PCDHGA2: variants seen among roughly 807,000 people sequenced by gnomAD.
PCDHGA2 encodes protocadherin gamma subfamily A, 2.
A neutral mutation model predicts 59.2 loss-of-function variants in PCDHGA2; 40 were observed. The ratio of observed to expected loss-of-function variants is 0.68; its 90% CI spans 0.52 to 0.88. The LOEUF is 0.88. Among genes scored for constraint, PCDHGA2 ranks in the 40% least tolerant of loss-of-function variants. The pLI is 0.00. For missense variants in PCDHGA2, 1,226 were observed against 1,204.0 expected, an observed-to-expected ratio of 1.02 and a Z score of -0.27; for synonymous variants, 560 against 526.0, an observed-to-expected ratio of 1.06 and a Z score of -0.89.
At chr5:141,364,099 G>A in intron 1 of PCDHGA2, 1 of 407,086 alleles carries the variant, frequency 2.5e-6, no homozygotes, top group African/African-American at 2.1e-5. Context: ...ATTTGATGCA[G>A]TCACTGGTTA....
At chr5:141,505,777 TCTG>T (rs77860300) in intron 3 of PCDHGA2, among the ~76,000 whole-genome samples, 6,508 of 152,280 alleles carry the variant, frequency 0.043, 161 homozygotes, top group Middle Eastern at 0.13. Context: ...AGGTCCTAGC[TCTG>T]CTACTATCCT....
chr5:141,392,568 T>A (rs2092555063), intron 1 of PCDHGA2: 4 of 442,486 alleles, frequency 9.0e-6, no homozygotes, highest in Non-Finnish European at 1.2e-5. Context: ...CAGTAACTAT[T>A]TAGGACTGTA....
At chr5:141,502,441 GAT>G (rs2099814262) in intron 2 of PCDHGA2, among the ~76,000 whole-genome samples, 1 of 152,000 alleles carries the variant, frequency 6.6e-6, no homozygotes, top group Non-Finnish European at 1.5e-5. Flanking sequence ...GTTAGATTCA[GAT>G]TACACACCTT....
At chr5:141,374,030 T>C (rs1023437506) in intron 1 of PCDHGA2, 4 of 1,430,336 alleles carry the variant, frequency 2.8e-6, no homozygotes, top group African/African-American at 1.4e-5. Flanking sequence ...GCAAAAGTGA[T>C]GCAGATCTGT....
At chr5:141,361,254 C>CA in intron 1 of PCDHGA2, 1 of 1,613,964 alleles carries the variant, frequency 6.2e-7, no homozygotes, top group Non-Finnish European at 8.5e-7. Context: ...AAACGAGAGA[C>CA]AGAGACTCTG....
rs766227340 is a variant in PCDHGA2, at chr5:141,476,791, C to T, written c.2425-18016C>T. On this transcript the variant is annotated intron_variant, in intron 1 of 3. Transcript: ENST00000394576. The surrounding 1 kb of genome is among the most constrained non-coding windows in gnomAD (Gnocchi z 7.6). ...TGGACGGAGGGACCCCAGCTCTCTCCGCCAGCCTGCCTATTCACATCAAGG... is the reference window on the plus strand; with the variant it reads ...TGGACGGAGGGACCCCAGCTCTCTCTGCCAGCCTGCCTATTCACATCAAGG... 5.6e-6 allele frequency: 9 copies of T among 1,613,394 alleles called. No homozygotes were observed. Among genetic ancestry groups the T allele is most frequent in the Middle Eastern group, 1.6e-4 (1 of 6,084 alleles).
intron 1 of PCDHGA2, among the ~76,000 whole-genome samples, chr5:141,460,912 G>GTATA (rs34683754): frequency 4.0e-5 from 6 of 149,324 alleles, no homozygotes; most frequent in South Asian, 2.1e-4. Context: ...ATTCCATGGT[G>GTATA]TATATATATA....
At position 141,353,509 on chromosome 5, in the gene PCDHGA2, A is replaced by G. The variant is rs537109889; in HGVS notation, c.2424+12114A>G. 3.3e-5 allele frequency among the ~76,000 whole-genome samples: 5 copies of G among 152,308 alleles called. No homozygotes were observed. In the East Asian group the frequency reaches 9.6e-4, roughly 29 times the overall value. ...CACTTTGTCTCATCACAAGTAGCAA[A>G]TATTGTCCAATTTTATATTTGCATC... On this transcript the variant is annotated intron_variant, in intron 1 of 3. Transcript: ENST00000394576.
intron 2 of PCDHGA2, among the ~76,000 whole-genome samples, chr5:141,504,128 G>A (rs914138294): frequency 2.6e-5 from 4 of 151,992 alleles, no homozygotes; most frequent in African/African-American, 9.7e-5. Context: ...GCTGTTTCCC[G>A]CCAACACTCC....
chr5:141,389,463 G>C (rs1201903320), intron 1 of PCDHGA2: 1 of 1,613,192 alleles, frequency 6.2e-7, no homozygotes, highest in African/African-American at 1.3e-5. Context: ...GCGCGCCTTC[G>C]AACTCACACT....
chr5:141,372,514 T>C lies in PCDHGA2; in HGVS notation c.2424+31119T>C. ...ATCTCAGTGCTCTTCCTCCTCGCGG[T>C]GATTCTGGCAATCTCCCTGCGCCTG... On this transcript the variant is annotated intron_variant, in intron 1 of 3. Coordinates refer to ENST00000394576, the MANE Select transcript of PCDHGA2 (RefSeq NM_018915.4). 5 of 1,614,028 alleles carry C rather than the reference T, an allele frequency of 3.1e-6. No individual in the cohort carries two copies. The South Asian group carries it at 4.4e-5, about 14-fold the overall frequency.
intron 1 of PCDHGA2, chr5:141,366,556 C>T (rs1764642074): frequency 3.1e-6 from 5 of 1,614,234 alleles, no homozygotes; most frequent in East Asian, 2.2e-5. Flanking sequence ...ACTTTGTGGG[C>T]GTGGATGGGG....
chr5:141,338,989 G>A lies in PCDHGA2; in HGVS notation c.18G>A (p.Lys6=). 1 of 1,544,254 alleles carries A rather than the reference G, an allele frequency of 6.5e-7. No individual in the cohort carries two copies. Among genetic ancestry groups the A allele is most frequent in the Non-Finnish European group, 8.7e-7 (1 of 1,144,572 alleles). The change falls in exon 1 of 4, where the codon AAG becomes AAA. Residue 6 remains lysine (K), a synonymous_variant. Coordinates refer to ENST00000394576, the MANE Select transcript of PCDHGA2 (RefSeq NM_018915.4). ...GGAGGGAAATGGCGGCTCTGCAAAA[G>A]TTGCCACACTGCAGAAAGCTGGTCC... MAALQ[K]LPHCRKLVLL...
Position 141,491,754 on chromosome 5 carries a change from C to T in PCDHGA2, c.2425-3053C>T. ...CCCCTGGGGGCGGCACTGGAGAAGC[C>T]GCCCGTCCTCATAAGGGATTGAACT... On this transcript the variant is annotated intron_variant, in intron 1 of 3. Transcript: ENST00000394576. The surrounding 1 kb of genome is among the most constrained non-coding windows in gnomAD (Gnocchi z 6.9). 5.7e-6 allele frequency: 9 copies of T among 1,582,682 alleles called. No individual in the cohort carries two copies. The highest frequency in any genetic ancestry group is 7.7e-6 in the Non-Finnish European group (9 of 1,165,614).
chr5:141,350,311 C>G, intron 1 of PCDHGA2: 1 of 1,523,378 alleles, frequency 6.6e-7, no homozygotes, highest in African/African-American at 1.4e-5. Context: ...TACTGTTTCC[C>G]TTCCTGCTGT....
At chr5:141,498,830 G>T (rs2099786149) in intron 2 of PCDHGA2, among the ~76,000 whole-genome samples, 1 of 152,080 alleles carries the variant, frequency 6.6e-6, no homozygotes, top group Non-Finnish European at 1.5e-5. Context: ...CTACTCAGGA[G>T]GCTGAGGCAG....
rs2099746025 is a variant in PCDHGA2 at position 141,493,066 on chromosome 5, T to C, written c.2425-1741T>C. On this transcript the variant is annotated intron_variant, in intron 1 of 3. Coordinates refer to ENST00000394576, the MANE Select transcript of PCDHGA2 (RefSeq NM_018915.4). This position sits in a 1 kb window ranked among gnomAD's most constrained non-coding sequence, Gnocchi z 4.3. ...AACTACAATAGTAAAAAACACAAGT[T>C]TCTCCAACTCCAGGAGCTTTTATTC... Among the ~76,000 whole-genome samples the C allele has an allele frequency of 6.6e-6, 1 of 152,202 alleles. No homozygotes were observed. Among genetic ancestry groups the C allele is most frequent in the East Asian group, 1.9e-4 (1 of 5,194 alleles).
intron 2 of PCDHGA2, among the ~76,000 whole-genome samples, chr5:141,505,117 G>A (rs575627148): frequency 1.8e-4 from 27 of 152,226 alleles, no homozygotes; most frequent in African/African-American, 3.6e-4. Context: ...AGCCAAGATC[G>A]CGCCACTGCA....
chr5:141,410,024 G>T (rs771946302), intron 1 of PCDHGA2: 4 of 1,613,164 alleles, frequency 2.5e-6, no homozygotes, highest in Non-Finnish European at 3.4e-6. Flanking sequence ...GTCCTACCAC[G>T]TGCTGCAGGC....
Sources: allele counts gnomAD v4.1 joint callset (sites outside exome capture counted in the v4.1 genomes callset), GRCh38; gene constraint gnomAD v4.1.1; non-coding constraint Gnocchi (gnomAD v3.1); transcripts MANE v1.5; gene names NCBI Gene and HGNC (gene_info 2026-07-23, HGNC 2026-07-21).